WWOX: variants seen among roughly 807,000 people sequenced by gnomAD.
WWOX encodes WW domain containing oxidoreductase, also known as WW domain-containing oxidoreductase.
Under a neutral mutation model 46.2 loss-of-function variants are expected in WWOX, and 69 were observed. The ratio of observed to expected loss-of-function variants is 1.49; its 90% CI spans 1.23 to 1.82. The LOEUF (loss-of-function observed/expected upper bound fraction) is 1.82, where lower values mean the gene tolerates loss of function less well. Among genes scored for constraint, WWOX ranks in the 40% most tolerant of loss-of-function variants. The pLI is 0.00. For missense variants in WWOX, 919 were observed against 542.6 expected (o/e 1.69, Z -6.89); for synonymous variants, 359 against 202.6 (o/e 1.77, Z -6.56).
intron 5 of WWOX, among the ~76,000 whole-genome samples, chr16:78,210,528 GTCTC>G (rs1451654278): frequency 4.0e-5 from 6 of 151,838 alleles, no homozygotes; most frequent in East Asian, 1.9e-4. Context: ...CTCTTTCTCT[GTCTC>G]TCTCTCTTTC....
chr16:78,870,415 A>C (rs2044101059), intron 8 of WWOX, among the ~76,000 whole-genome samples: 1 of 152,154 alleles, frequency 6.6e-6, no homozygotes, highest in Non-Finnish European at 1.5e-5. Flanking sequence ...ACTAAGGTCC[A>C]AGCTTGAATG....
Position 79,037,597 on chromosome 16 carries a change from T to A in WWOX, c.1057-174011T>A, listed in dbSNP as rs187872961. The stretch of plus-strand genomic sequence containing the variant: ...TACAAGGTCTACAACTGCACCCTGC[T>A]ACCTCCCAGAAGCTGAGGCAGGATG... On this transcript the variant is annotated intron_variant, in intron 8 of 8. Transcript: ENST00000566780. Among the ~76,000 whole-genome samples, 13 of 152,272 alleles carry A rather than the reference T, an allele frequency of 8.5e-5. No individual in the cohort carries two copies. In the East Asian group the frequency reaches 2.5e-3, roughly 29 times the overall value.
intron 8 of WWOX, among the ~76,000 whole-genome samples, chr16:78,775,955 G>C (rs1364100702): frequency 6.6e-6 from 1 of 152,198 alleles, no homozygotes; most frequent in Non-Finnish European, 1.5e-5. Context: ...CTAAACGTAA[G>C]ACCCTGTGAT....
intron 6 of WWOX, among the ~76,000 whole-genome samples, chr16:78,395,887 C>T (rs1018224111): frequency 6.6e-6 from 1 of 152,134 alleles, no homozygotes; most frequent in African/African-American, 2.4e-5. Flanking sequence ...TTTTCTTTGA[C>T]ATGACTATGT....
chr16:79,055,971 C>A (rs780316593), intron 8 of WWOX, among the ~76,000 whole-genome samples: 10 of 152,124 alleles, frequency 6.6e-5, no homozygotes, highest in Non-Finnish European at 1.2e-4. Context: ...TTCAGTAATT[C>A]TTTCATTCTC....
At chr16:79,020,341 C>G (rs1016273189) in intron 8 of WWOX, among the ~76,000 whole-genome samples, 1 of 152,142 alleles carries the variant, frequency 6.6e-6, no homozygotes, top group Non-Finnish European at 1.5e-5. Context: ...ACTATGGAGT[C>G]TTAAGTCCAA....
At chr16:78,723,102 G>C (rs1200591861) in intron 8 of WWOX, among the ~76,000 whole-genome samples, 1 of 152,152 alleles carries the variant, frequency 6.6e-6, no homozygotes, top group African/African-American at 2.4e-5. Flanking sequence ...ACTACCTTAA[G>C]GCTGATTGAG....
intron 6 of WWOX, among the ~76,000 whole-genome samples, chr16:78,422,836 TATACATATACACACACAC>T (rs1567563663): frequency 7.5e-5 from 8 of 106,702 alleles, no homozygotes; most frequent in African/African-American, 3.2e-4. Flanking sequence ...CATATATATA[TATACATATACACACACAC>T]ACACACACAC....
chr16:78,108,728 C>G (rs961597670), intron 2 of WWOX, among the ~76,000 whole-genome samples: 66 of 152,248 alleles, frequency 4.3e-4, no homozygotes, highest in African/African-American at 1.5e-3. Context: ...TGGCTCATGC[C>G]TGTAATCCCA....
intron 8 of WWOX, among the ~76,000 whole-genome samples, chr16:78,945,463 C>G (rs954991084): frequency 2.0e-5 from 3 of 152,182 alleles, no homozygotes; most frequent in African/African-American, 7.2e-5. Flanking sequence ...TGTACTGTAA[C>G]TAAAAAAGTT....
At chr16:78,733,987 G>A (rs926805253) in intron 8 of WWOX, among the ~76,000 whole-genome samples, 1 of 151,854 alleles carries the variant, frequency 6.6e-6, no homozygotes, top group African/African-American at 2.4e-5. Context: ...CTGCACCCAG[G>A]TAGCCGAGGC....
chr16:78,341,906 A>G (rs1431913649), intron 5 of WWOX, among the ~76,000 whole-genome samples: 3 of 119,846 alleles, frequency 2.5e-5, no homozygotes, highest in African/African-American at 8.5e-5. Context: ...CTTGTCTTAC[A>G]GGAGTTGAAG....
At chr16:79,180,090 T>C (rs2050880450) in intron 8 of WWOX, among the ~76,000 whole-genome samples, 1 of 152,158 alleles carries the variant, frequency 6.6e-6, no homozygotes, top group Non-Finnish European at 1.5e-5. Context: ...TTTTGCCCAG[T>C]TCAACAAGAA....
At chr16:78,385,946 G>C (rs1445327072) in intron 5 of WWOX, among the ~76,000 whole-genome samples, 1 of 152,194 alleles carries the variant, frequency 6.6e-6, no homozygotes, top group Non-Finnish European at 1.5e-5. Context: ...TACACAGAAG[G>C]CTAGTGGGAG....
intron 8 of WWOX, among the ~76,000 whole-genome samples, chr16:79,197,244 G>T (rs536294319): frequency 2.0e-5 from 3 of 152,114 alleles, no homozygotes; most frequent in Non-Finnish European, 4.4e-5. Context: ...TGACCTTGAG[G>T]TCCTGATCTG....
At chr16:78,324,930 T>C (rs533289526) in intron 5 of WWOX, among the ~76,000 whole-genome samples, 40 of 152,336 alleles carry the variant, frequency 2.6e-4, no homozygotes, top group African/African-American at 9.1e-4. Flanking sequence ...ATGTCAATTA[T>C]ATCTCAATAA....
At chr16:78,849,533 C>A (rs1340854841) in intron 8 of WWOX, among the ~76,000 whole-genome samples, 1 of 137,856 alleles carries the variant, frequency 7.3e-6, no homozygotes, top group Admixed American at 7.8e-5. Context: ...GAGATCGTGA[C>A]ACTGCACTCC....
intron 7 of WWOX, among the ~76,000 whole-genome samples, chr16:78,426,260 G>T (rs1403718846): frequency 2.0e-5 from 3 of 152,164 alleles, no homozygotes; most frequent in Non-Finnish European, 2.9e-5. Context: ...AGGCTACTGT[G>T]GGGGCAGGCA....
At chr16:78,754,896 A>G (rs985066928) in intron 8 of WWOX, among the ~76,000 whole-genome samples, 5 of 152,172 alleles carry the variant, frequency 3.3e-5, no homozygotes, top group South Asian at 4.2e-4. Flanking sequence ...TGCACTGTCC[A>G]TTATCTGCAG....
Sources: allele counts gnomAD v4.1 joint callset (sites outside exome capture counted in the v4.1 genomes callset), GRCh38; gene constraint gnomAD v4.1.1; transcripts MANE v1.5; gene names NCBI Gene and HGNC (gene_info 2026-07-23, HGNC 2026-07-21).